S100A7A: variants seen among roughly 807,000 people sequenced by gnomAD.
S100A7A encodes protein S100-A7A.
In S100A7A, 5 loss-of-function variants were observed where a neutral mutation model predicts 4.0. The observed-to-expected ratio is 1.26, with a 90% CI of 0.66 to 2.66. S100A7A has a LOEUF of 2.66. Ranked by LOEUF, S100A7A falls within the 30% of genes most tolerant of loss-of-function variation. The probability of loss-of-function intolerance (pLI) is 0.01; values close to 1 mark genes in which losing one functional copy is unlikely to be tolerated. For missense variants in S100A7A, 159 were observed against 125.1 expected (o/e 1.27, Z -1.29); for synonymous variants, 52 against 46.4 (o/e 1.12, Z -0.49).
chr1:153,418,142 C>T lies in S100A7A; in HGVS notation c.60C>T (p.Tyr20=), dbSNP rs529175093. The change falls in exon 2 of 3, where the codon TAC becomes TAT. Residue 20 remains tyrosine, a synonymous_variant. Coordinates refer to ENST00000368729, the MANE Select transcript of S100A7A (RefSeq NM_176823.4). ...GCATGATCGACATGTTTCACAAATACACCGGACGTGATGGCAAGATTGAGA... is the reference window on the plus strand; with the variant it reads ...GCATGATCGACATGTTTCACAAATATACCGGACGTGATGGCAAGATTGAGA... The part of the protein sequence containing the change: ...IIGMIDMFHK[Y]TGRDGKIEKP... 432 of 1,614,092 alleles carry T rather than the reference C, an allele frequency of 2.7e-4. 10 individuals are homozygous for T. The South Asian group carries it at 4.5e-3, about 17-fold the overall frequency.
chr1:153,419,253 G>A lies in S100A7A; in HGVS notation c.250G>A (p.Ala84Thr), dbSNP rs3006414. 174,514 of 1,613,826 alleles carry A rather than the reference G, an allele frequency of 0.11. 14,227 individuals are homozygous for A. The highest frequency in any genetic ancestry group is 0.44 in the African/African-American group (32,863 of 74,904). ...TCTGTCCTTGCTGGGAGACATAGCCGCAGACTACCACAAGCAGAGCCATGG... is the reference window on the plus strand; with the variant it reads ...TCTGTCCTTGCTGGGAGACATAGCCACAGACTACCACAAGCAGAGCCATGG... The part of the protein sequence containing the change: ...EFLSLLGDIA[A>T]DYHKQSHGAA... Residue 84 changes from alanine to threonine, a missense_variant, in exon 3 of 3, where the codon GCA (alanine) becomes ACA (threonine). Coordinates refer to ENST00000368729, the MANE Select transcript of S100A7A (RefSeq NM_176823.4).
In S100A7A at chr1:153,419,631, G is replaced by A. The variant is rs1387595736; in HGVS notation, c.*322G>A. On this transcript the variant is annotated 3_prime_UTR_variant, in exon 3 of 3. Transcript: ENST00000368729. Reference sequence around the variant, plus strand: ...GAAGTTGGTAGAAGGCCCCTGCCAGGTCACAGCAATGCTCTCCTTGTCAAG... The same window carrying A: ...GAAGTTGGTAGAAGGCCCCTGCCAGATCACAGCAATGCTCTCCTTGTCAAG... 1.4e-5 allele frequency: 5 copies of A among 352,566 alleles called. No individual in the cohort carries two copies. The highest frequency in any genetic ancestry group is 4.3e-5 in the Admixed American group (1 of 23,048). The allele number at this position is 352,566 out of a possible 1,614,324, so 21.8% of individuals were successfully genotyped here.
chr1:153,416,779 G>A (rs1291624081), intron 1 of S100A7A, among the ~76,000 whole-genome samples: 1 of 152,220 alleles, frequency 6.6e-6, no homozygotes, highest in Non-Finnish European at 1.5e-5. Context: ...GCTCCTTTGG[G>A]ATCTCCTGAG....
rs1352136975 is a variant in S100A7A at position 153,421,771 on chromosome 1, C to T, written c.*2462C>T. The T allele has an allele frequency of 1.3e-5, 2 of 152,252 alleles. No homozygotes were observed. The highest frequency in any genetic ancestry group is 4.8e-5 in the African/African-American group (2 of 41,468). The allele number at this position is 152,252 out of a possible 1,614,324, so 9.4% of individuals were successfully genotyped here. A position where few individuals can be genotyped will look rare whatever the true frequency, so the allele number is the denominator to read the frequency against. ...CAGTCCAGAAGGCAATTGGCCACTC[C>T]TAATGTGGGCCTGCCCTCCCTTTAT... is the stretch of plus-strand genomic sequence containing the variant. On this transcript the variant is annotated 3_prime_UTR_variant, in exon 3 of 3. Transcript: ENST00000368729.
chr1:153,419,261 C>T lies in S100A7A; in HGVS notation c.258C>T (p.Tyr86=), dbSNP rs1571185656. The T allele has an allele frequency of 4.3e-6, 7 of 1,614,194 alleles. No homozygotes were observed. Among genetic ancestry groups the T allele is most frequent in the South Asian group, 1.1e-5 (1 of 91,082 alleles). Residue 86 remains tyrosine (Y), a synonymous_variant, in exon 3 of 3, where the codon TAC becomes TAT. Coordinates refer to ENST00000368729, the MANE Select transcript of S100A7A (RefSeq NM_176823.4). ...LSLLGDIAAD[Y]HKQSHGAAPC... ...TGCTGGGAGACATAGCCGCAGACTA[C>T]CACAAGCAGAGCCATGGAGCGGCGC...
At chr1:153,418,268 G>A (rs1458824561) in intron 2 of S100A7A, 45 bp downstream of exon 2, 3 of 1,603,802 alleles carry the variant, frequency 1.9e-6, no homozygotes, top group Non-Finnish European at 2.6e-6. Context: ...ACCCTGGCAT[G>A]GCTGAGGATA....
In S100A7A at chr1:153,422,509, C is replaced by G. The variant is rs764882737; in HGVS notation, c.*3200C>G. The G allele has an allele frequency of 2.0e-6, 2 of 985,038 alleles. No individual in the cohort carries two copies. The highest frequency in any genetic ancestry group is 2.4e-6 in the Non-Finnish European group (2 of 829,678). The allele number at this position is 985,038 out of a possible 1,614,324, so 61.0% of individuals were successfully genotyped here. ...AAAGAATACTTGACAGCTCTATGCC[C>G]ACACTCACATTACAGCTGATGTGAA... is the stretch of plus-strand genomic sequence containing the variant. On this transcript the variant is annotated 3_prime_UTR_variant, in exon 3 of 3. Transcript: ENST00000368729.
chr1:153,418,880 TC>T (rs1356305482), intron 2 of S100A7A, among the ~76,000 whole-genome samples: 1 of 152,100 alleles, frequency 6.6e-6, no homozygotes, highest in Non-Finnish European at 1.5e-5. Flanking sequence ...GGGACTGCTC[TC>T]CCCAAGGTCA....
chr1:153,418,907 C>T (rs886436570), intron 2 of S100A7A, among the ~76,000 whole-genome samples: 11 of 152,090 alleles, frequency 7.2e-5, no homozygotes, highest in Non-Finnish European at 1.0e-4. Context: ...CAGAGTGCCT[C>T]GGGACAGGAC....
intron 2 of S100A7A, 51 bp downstream of exon 2, chr1:153,418,274 G>T (rs1264811995): frequency 1.2e-6 from 2 of 1,609,854 alleles, no homozygotes; most frequent in African/African-American, 2.7e-5. Flanking sequence ...GCATGGCTGA[G>T]GATACATTTT....
chr1:153,416,558 G>A lies in S100A7A; in HGVS notation c.-23G>A. 3 of 485,858 alleles carry A rather than the reference G, an allele frequency of 6.2e-6. No individual in the cohort carries two copies. Among genetic ancestry groups the A allele is most frequent in the South Asian group, 5.1e-5 (3 of 59,228 alleles). 30.1% of individuals were successfully genotyped at this position (485,858 alleles called of 1,614,324 possible). A position where few individuals can be genotyped will look rare whatever the true frequency, so the allele number is the denominator to read the frequency against. On this transcript the variant is annotated 5_prime_UTR_variant, in exon 1 of 3. Transcript: ENST00000368729. ...ATCCTTCTACTCGTGACACTTCCCA[G>A]TTCTGGTAAGTCTCACCTGCCTCTT...
In S100A7A at chr1:153,417,935, T is replaced by A. The variant is rs76205373; in HGVS notation, c.-17-131T>A. ...TTTGAACAACTTATCCCATCACATT[T>A]AAAAAAATCAAGTTCCTTCTGCTCC... is the stretch of plus-strand genomic sequence containing the variant. On this transcript the variant is annotated intron_variant, in intron 1 of 2. Coordinates refer to ENST00000368729, the MANE Select transcript of S100A7A (RefSeq NM_176823.4). 372 of 1,111,258 alleles carry A rather than the reference T, an allele frequency of 3.3e-4. 3 individuals are homozygous for A. Among genetic ancestry groups the A allele is most frequent in the Middle Eastern group, 1.6e-3 (7 of 4,440 alleles). 68.8% of individuals were successfully genotyped at this position (1,111,258 alleles called of 1,614,324 possible). A position where few individuals can be genotyped will look rare whatever the true frequency, so the allele number is the denominator to read the frequency against.
At position 153,422,955 on chromosome 1, in the gene S100A7A, G is replaced by A. The variant is rs1482707784; in HGVS notation, c.*3646G>A. The A allele has an allele frequency of 6.6e-6, 1 of 152,172 alleles. No homozygotes were observed. The highest frequency in any genetic ancestry group is 2.4e-5 in the African/African-American group (1 of 41,418). The allele number at this position is 152,172 out of a possible 1,614,324, so 9.4% of individuals were successfully genotyped here. A position where few individuals can be genotyped will look rare whatever the true frequency, so the allele number is the denominator to read the frequency against. ...TACATGTTCCCTTATAAATCTGCGAGGTAGTTTCTTTGGTATTCTTGCCCA... is the reference window on the plus strand; with the variant it reads ...TACATGTTCCCTTATAAATCTGCGAAGTAGTTTCTTTGGTATTCTTGCCCA... On this transcript the variant is annotated 3_prime_UTR_variant, in exon 3 of 3. Coordinates refer to ENST00000368729, the MANE Select transcript of S100A7A (RefSeq NM_176823.4).
In S100A7A at chr1:153,422,472, G is replaced by A; in HGVS notation, c.*3163G>A. On this transcript the variant is annotated 3_prime_UTR_variant, in exon 3 of 3. Transcript: ENST00000368729. ...ATTAATAGCTACTGGACATTATATT[G>A]GTACTAAAGAGAAAGAATACTTGAC... The A allele has an allele frequency of 1.0e-6, 1 of 964,644 alleles. No homozygotes were observed. The highest frequency in any genetic ancestry group is 1.2e-6 in the Non-Finnish European group (1 of 811,030). 59.8% of individuals were successfully genotyped at this position (964,644 alleles called of 1,614,324 possible). A position where few individuals can be genotyped will look rare whatever the true frequency, so the allele number is the denominator to read the frequency against.
rs970150564 is a variant in S100A7A, at chr1:153,420,595, G to A, written c.*1286G>A. 6.6e-6 allele frequency: 1 copy of A among 152,268 alleles called. No homozygotes were observed. Among genetic ancestry groups the A allele is most frequent in the African/African-American group, 2.4e-5 (1 of 41,420 alleles). The allele number at this position is 152,268 out of a possible 1,614,324, so 9.4% of individuals were successfully genotyped here. On this transcript the variant is annotated 3_prime_UTR_variant, in exon 3 of 3. Transcript: ENST00000368729. ...CTCCACACTCACACCTCTATTCACAGACCAGCATCTCCTCTCCTTATCAGG... is the reference window on the plus strand; with the variant it reads ...CTCCACACTCACACCTCTATTCACAAACCAGCATCTCCTCTCCTTATCAGG...
chr1:153,417,797 G>A (rs922553292), intron 1 of S100A7A: 1 of 352,492 alleles, frequency 2.8e-6, no homozygotes, highest in African/African-American at 2.1e-5. Context: ...GACTCTCCCT[G>A]CTTCTCCTTC....
At chr1:153,416,979 C>G (rs1328170052) in intron 1 of S100A7A, among the ~76,000 whole-genome samples, 1 of 152,270 alleles carries the variant, frequency 6.6e-6, no homozygotes, top group African/African-American at 2.4e-5. Flanking sequence ...TCCAAACCCC[C>G]AGGCCTTGGA....
chr1:153,422,156 A>G lies in S100A7A; in HGVS notation c.*2847A>G, dbSNP rs914098711. 4 of 152,224 alleles carry G rather than the reference A, an allele frequency of 2.6e-5. No homozygotes were observed. Among genetic ancestry groups the G allele is most frequent in the African/African-American group, 9.6e-5 (4 of 41,466 alleles). 9.4% of individuals were successfully genotyped at this position (152,224 alleles called of 1,614,324 possible). On this transcript the variant is annotated 3_prime_UTR_variant, in exon 3 of 3. Coordinates refer to ENST00000368729, the MANE Select transcript of S100A7A (RefSeq NM_176823.4). Reference sequence around the variant, plus strand: ...AAGAGAACTGTGTCATTCCAAACTCACCAAGGTGGCTTATAGAACAGAAGC... The same window carrying G: ...AAGAGAACTGTGTCATTCCAAACTCGCCAAGGTGGCTTATAGAACAGAAGC...
chr1:153,417,449 C>T (rs1222240062), intron 1 of S100A7A, among the ~76,000 whole-genome samples: 1 of 152,108 alleles, frequency 6.6e-6, no homozygotes, highest in Non-Finnish European at 1.5e-5. Context: ...GTTTCTCATT[C>T]CCAAGGGAAT....
Sources: gnomAD v4.1 joint callset for allele counts (sites outside exome capture counted in the v4.1 genomes callset) on GRCh38, gnomAD v4.1.1 for gene constraint, MANE v1.5 for transcripts, NCBI Gene and HGNC (gene_info 2026-07-23, HGNC 2026-07-21) for gene names.